The following RIPK4 variants were observed in gnomAD, a reference collection of about 807,000 sequenced individuals.
RIPK4 encodes receptor interacting serine/threonine kinase 4, also known as receptor-interacting serine/threonine-protein kinase 4.
RIPK4 carries 17 observed loss-of-function variants against 42.9 expected under a neutral mutation model. The ratio of observed to expected loss-of-function variants is 0.40; its 90% CI spans 0.27 to 0.59. The LOEUF (loss-of-function observed/expected upper bound fraction) is 0.59, where lower values mean the gene tolerates loss of function less well. RIPK4 is among the 20% of genes least tolerant of loss of function. The pLI, the probability that RIPK4 is intolerant of heterozygous loss-of-function variation, is 0.47. For missense variants in RIPK4, 897 were observed against 1,104.4 expected (o/e 0.81, Z 2.66); for synonymous variants, 498 against 499.1 (o/e 1.00, Z 0.03).
chr21:41,748,836 T>G (rs191359711), intron 4 of RIPK4, among the ~76,000 whole-genome samples: 3 of 152,316 alleles, frequency 2.0e-5, no homozygotes, highest in Admixed American at 2.0e-4. Context: ...GTTCTGGAAT[T>G]AGACAGTGGT....
At position 41,745,322 on chromosome 21, in the gene RIPK4, A is replaced by G. The variant is rs1047184401; in HGVS notation, c.936+437T>C. 1.4e-4 allele frequency among the ~76,000 whole-genome samples: 22 copies of G among 152,306 alleles called. No homozygotes were observed. The South Asian group carries it at 2.5e-3, about 17-fold the overall frequency. On this transcript the variant is annotated intron_variant, in intron 6 of 7. Coordinates refer to ENST00000332512, the MANE Select transcript of RIPK4 (RefSeq NM_020639.3). ...GAAAAGGCATTTAGCCAGCCCTGCT[A>G]CTTGGAGCTTCTTATCACATCTGAA... is the stretch of plus-strand genomic sequence containing the variant.
In RIPK4 at chr21:41,744,052, C is replaced by G. The variant is rs748734907; in HGVS notation, c.1025G>C (p.Gly342Ala). ...LSELLSQLDS[G>A]VSQAVEGPEE... ...GGGGCCCTCGACAGCCTGGGAAACT[C>G]CAGAGTCCAGCTGTGAGAGCAGCTC... The change falls in exon 7 of 8, where the codon GGA becomes GCA. Residue 342 changes from glycine to alanine, a missense_variant. Coordinates refer to ENST00000332512, the MANE Select transcript of RIPK4 (RefSeq NM_020639.3). 1 of 1,612,974 alleles carries G rather than the reference C, an allele frequency of 6.2e-7. No homozygotes were observed. The highest frequency in any genetic ancestry group is 8.5e-7 in the Non-Finnish European group (1 of 1,179,892).
chr21:41,750,968 G>A (rs886191231), intron 3 of RIPK4, 129 bp downstream of exon 3: 16 of 1,190,334 alleles, frequency 1.3e-5, no homozygotes, highest in East Asian at 7.5e-5. Context: ...GTGAGTCACC[G>A]CGCCTGGCCC....
chr21:41,766,669 C>A (rs1230560726), intron 1 of RIPK4, among the ~76,000 whole-genome samples, 191 bp downstream of exon 1: 1 of 152,140 alleles, frequency 6.6e-6, no homozygotes, highest in Non-Finnish European at 1.5e-5. Flanking sequence ...AAAGCCCCCG[C>A]GCCCCTCCGG....
intron 2 of RIPK4, among the ~76,000 whole-genome samples, 194 bp downstream of exon 2, chr21:41,756,331 T>C (rs1413375913): frequency 6.6e-6 from 1 of 152,192 alleles, no homozygotes; most frequent in African/African-American, 2.4e-5. Flanking sequence ...GTGGTTTTCA[T>C]ACCAACCAGG....
At chr21:41,750,191 G>A (rs1437623919) in intron 3 of RIPK4, among the ~76,000 whole-genome samples, 4 of 152,216 alleles carry the variant, frequency 2.6e-5, no homozygotes, top group Non-Finnish European at 4.4e-5. Flanking sequence ...GGCTGCTGGC[G>A]GCGGCAGTGA....
chr21:41,761,275 G>A (rs772872728), intron 1 of RIPK4, among the ~76,000 whole-genome samples: 2 of 152,238 alleles, frequency 1.3e-5, no homozygotes, highest in African/African-American at 2.4e-5. Flanking sequence ...CCTCCTCTGG[G>A]AACACCGGTT....
Position 41,742,115 on chromosome 21 carries a change from C to A in RIPK4, c.1196-118G>T. 1.1e-6 allele frequency: 1 copy of A among 881,590 alleles called. No individual in the cohort carries two copies. The highest frequency in any genetic ancestry group is 2.4e-5 in the East Asian group (1 of 40,866). The allele number at this position is 881,590 out of a possible 1,614,324, so 54.6% of individuals were successfully genotyped here. A position where few individuals can be genotyped will look rare whatever the true frequency, so the allele number is the denominator to read the frequency against. The stretch of plus-strand genomic sequence containing the variant: ...AGTGCCATGGCCTCCAGGCTGCTCG[C>A]TGGTCACCCGACTGTGTTTGAGCGT... On this transcript the variant is annotated intron_variant, in intron 7 of 7. Coordinates refer to ENST00000332512, the MANE Select transcript of RIPK4 (RefSeq NM_020639.3). The surrounding 1 kb of genome is among the most constrained non-coding windows in gnomAD (Gnocchi z 5.1).
chr21:41,746,062 G>A (rs948407588), intron 5 of RIPK4, 200 bp from the exon 6 acceptor site: 4 of 715,880 alleles, frequency 5.6e-6, no homozygotes, highest in African/African-American at 5.2e-5. Context: ...ATCATTTGAA[G>A]GCCTCACCAG....
chr21:41,748,596 A>G (rs1016288742), intron 4 of RIPK4, among the ~76,000 whole-genome samples: 10 of 152,222 alleles, frequency 6.6e-5, no homozygotes, highest in African/African-American at 2.2e-4. Flanking sequence ...ACGCGGGTAC[A>G]TGTAATGCTC....
chr21:41,761,034 C>T (rs565008094), intron 1 of RIPK4, among the ~76,000 whole-genome samples: 1 of 152,318 alleles, frequency 6.6e-6, no homozygotes, highest in South Asian at 2.1e-4. Flanking sequence ...CTGCTTCCTC[C>T]CTCTCCAGGG....
intron 1 of RIPK4, among the ~76,000 whole-genome samples, chr21:41,761,159 T>A (rs181375198): frequency 9.0e-4 from 137 of 152,170 alleles, no homozygotes; most frequent in African/African-American, 3.2e-3. Context: ...TCAGTGAGCA[T>A]TGGGAAAAAA....
At chr21:41,749,672 T>C (rs527352063) in intron 3 of RIPK4, among the ~76,000 whole-genome samples, 1 of 152,282 alleles carries the variant, frequency 6.6e-6, no homozygotes, top group African/African-American at 2.4e-5. Flanking sequence ...TCAGCGTTCC[T>C]AACGTAGGCT....
chr21:41,762,527 G>A (rs1051998217), intron 1 of RIPK4, among the ~76,000 whole-genome samples: 21 of 152,184 alleles, frequency 1.4e-4, no homozygotes, highest in African/African-American at 5.1e-4. Flanking sequence ...TCTGGGGTCG[G>A]GTGTCGCCCG....
Position 41,741,333 on chromosome 21 carries a change from G to A in RIPK4, c.1860C>T (p.Ala620=), listed in dbSNP as rs1305435352. The stretch of plus-strand genomic sequence containing the variant: ...CGGAGCACAGGTCGATGAGGATGCG[G>A]GCCACGCGGTAGTGCCCGCGCTGTG... The part of the protein sequence containing the change: ...LAAQRGHYRV[A]RILIDLCSDV... The change falls in exon 8 of 8, where the codon GCC becomes GCT. Residue 620 remains alanine (A), a synonymous_variant. Transcript: ENST00000332512. 1.2e-6 allele frequency: 2 copies of A among 1,609,524 alleles called. No homozygotes were observed. The highest frequency in any genetic ancestry group is 1.1e-5 in the South Asian group (1 of 91,016).
intron 4 of RIPK4, among the ~76,000 whole-genome samples, chr21:41,747,163 G>A (rs2146049597): frequency 6.6e-6 from 1 of 152,332 alleles, no homozygotes; most frequent in South Asian, 2.1e-4. Context: ...GCACCATGGA[G>A]GAGCCACAGC....
At position 41,739,460 on chromosome 21, in the gene RIPK4, A is replaced by G. The variant is rs928073940; in HGVS notation, c.*1378T>C. The G allele has an allele frequency of 6.6e-6, 1 of 152,270 alleles. No individual in the cohort carries two copies. Among genetic ancestry groups the G allele is most frequent in the Middle Eastern group, 3.2e-3 (1 of 316 alleles). 9.4% of individuals were successfully genotyped at this position (152,270 alleles called of 1,614,324 possible). ...CAGTCCACACAACAGTAAAGGCACA[A>G]TGAGGCATATTAAAACATAGCCAGT... On this transcript the variant is annotated 3_prime_UTR_variant, in exon 8 of 8. Transcript: ENST00000332512.
At position 41,755,963 on chromosome 21, in the gene RIPK4, C is replaced by T. The variant is rs1430756190; in HGVS notation, c.474+562G>A. ...CCTATCAGCGAAGCAAAAGCAAGCT[C>T]CATCTCCCAGGCGTTGCACTAACGC... On this transcript the variant is annotated intron_variant, in intron 2 of 7. Transcript: ENST00000332512. This position sits in a 1 kb window ranked among gnomAD's most constrained non-coding sequence, Gnocchi z 4.2. 6.6e-6 allele frequency among the ~76,000 whole-genome samples: 1 copy of T among 152,224 alleles called. No homozygotes were observed. Among genetic ancestry groups the T allele is most frequent in the Non-Finnish European group, 1.5e-5 (1 of 68,036 alleles).
rs1479763213 is a variant in RIPK4 at position 41,757,998 on chromosome 21, C to CCAAAAAAAAAAAA, written c.183-1183_183-1182insTTTTTTTTTTTTG. On this transcript the variant is annotated intron_variant, in intron 1 of 7. Coordinates refer to ENST00000332512, the MANE Select transcript of RIPK4 (RefSeq NM_020639.3). ...TGGGCGACACAGAGAGACTCCATAA[C>CCAAAAAAAAAAAA]AAAAAAAAAAAAAAAAAAAAAAAAT... Among the ~76,000 whole-genome samples the CCAAAAAAAAAAAA allele has an allele frequency of 5.4e-4, 7 of 13,072 alleles. 2 individuals are homozygous for CCAAAAAAAAAAAA. The highest frequency in any genetic ancestry group is 3.1e-3 in the African/African-American group (7 of 2,278). The allele number at this position is 13,072 out of a possible 152,430, so 8.6% of individuals were successfully genotyped here.
Sources: allele counts gnomAD v4.1 joint callset (sites outside exome capture counted in the v4.1 genomes callset), GRCh38; gene constraint gnomAD v4.1.1; non-coding constraint Gnocchi (gnomAD v3.1); transcripts MANE v1.5; gene names NCBI Gene and HGNC (gene_info 2026-07-23, HGNC 2026-07-21).